The following ADAMTS12 variants were observed in gnomAD, a reference collection of about 807,000 sequenced individuals.
The protein encoded by ADAMTS12 is A disintegrin and metalloproteinase with thrombospondin motifs 12.
Under a neutral mutation model 167.8 loss-of-function variants are expected in ADAMTS12, and 118 were observed. The observed-to-expected ratio is 0.70, with a 90% CI of 0.61 to 0.82. ADAMTS12 has a LOEUF of 0.82. ADAMTS12 is among the 40% of genes least tolerant of loss of function. The probability of loss-of-function intolerance (pLI) is 0.00; values close to 1 mark genes in which losing one functional copy is unlikely to be tolerated. For missense variants in ADAMTS12, 1,916 were observed against 1,998.8 expected (o/e 0.96, Z 0.79); for synonymous variants, 704 against 716.9 (o/e 0.98, Z 0.29).
chr5:33,639,450 G>A (rs987631513), intron 11 of ADAMTS12, among the ~76,000 whole-genome samples: 34 of 152,214 alleles, frequency 2.2e-4, no homozygotes. Context: ...GAAAGCCATG[G>A]AAATGAGGCT....
intron 19 of ADAMTS12, among the ~76,000 whole-genome samples, chr5:33,575,530 C>T (rs1746648971): frequency 6.6e-6 from 1 of 152,210 alleles, no homozygotes; most frequent in Non-Finnish European, 1.5e-5. Flanking sequence ...TATCTCACTA[C>T]ATTTGTTCTC....
intron 2 of ADAMTS12, among the ~76,000 whole-genome samples, chr5:33,791,590 T>C (rs1033940582): frequency 6.6e-6 from 1 of 152,126 alleles, no homozygotes; most frequent in African/African-American, 2.4e-5. Context: ...CAGTGACCTA[T>C]ATAATAGGCA....
chr5:33,710,546 G>T (rs4866341), intron 3 of ADAMTS12, among the ~76,000 whole-genome samples: 93,750 of 152,182 alleles, frequency 0.62, 30,050 homozygotes, highest in Non-Finnish European at 0.69. Flanking sequence ...TACTAGAAAT[G>T]GAGAAGATAT....
chr5:33,860,920 T>C (rs1749585061), intron 2 of ADAMTS12, among the ~76,000 whole-genome samples: 1 of 152,194 alleles, frequency 6.6e-6, no homozygotes, highest in Admixed American at 6.5e-5. Flanking sequence ...GAATTTCATA[T>C]TCAGCCAAAC....
intron 13 of ADAMTS12, among the ~76,000 whole-genome samples, chr5:33,627,935 A>G (rs545137891): frequency 7.2e-6 from 1 of 138,778 alleles, no homozygotes; most frequent in African/African-American, 3.0e-5. Context: ...GATTGAAGAC[A>G]TTGACTTTGT....
intron 2 of ADAMTS12, among the ~76,000 whole-genome samples, chr5:33,813,970 T>C (rs1747555291): frequency 6.6e-6 from 1 of 152,244 alleles, no homozygotes; most frequent in Admixed American, 6.5e-5. Flanking sequence ...AATAGCTTTC[T>C]GTCTTTTCTT....
chr5:33,772,208 C>A (rs532129468), intron 2 of ADAMTS12, among the ~76,000 whole-genome samples: 3 of 152,230 alleles, frequency 2.0e-5, no homozygotes, highest in Admixed American at 2.0e-4. Flanking sequence ...TCTAGACTCT[C>A]AACAGCAGTT....
chr5:33,758,204 A>T (rs1314278081), intron 2 of ADAMTS12, among the ~76,000 whole-genome samples: 1 of 152,212 alleles, frequency 6.6e-6, no homozygotes. Context: ...ATGATAGTCT[A>T]AGGGATGCCT....
intron 3 of ADAMTS12, among the ~76,000 whole-genome samples, chr5:33,694,437 G>A (rs970813439): frequency 6.6e-6 from 1 of 152,132 alleles, no homozygotes; most frequent in Non-Finnish European, 1.5e-5. Flanking sequence ...AGACAGAAAA[G>A]TAGACCTAGG....
chr5:33,835,951 CTCTGTG>C (rs756945331), intron 2 of ADAMTS12, among the ~76,000 whole-genome samples: 1,642 of 37,258 alleles, frequency 0.044, 9 homozygotes, highest in South Asian at 0.067. Context: ...CTCTCTCTCT[CTCTGTG>C]TGTGTGTGTG....
chr5:33,724,772 C>G (rs956497980), intron 3 of ADAMTS12, among the ~76,000 whole-genome samples: 1 of 151,890 alleles, frequency 6.6e-6, no homozygotes, highest in Non-Finnish European at 1.5e-5. Context: ...AAGAAGGTAT[C>G]GATCTCCTGA....
chr5:33,717,348 G>A (rs1743652306), intron 3 of ADAMTS12, among the ~76,000 whole-genome samples: 1 of 152,170 alleles, frequency 6.6e-6, no homozygotes, highest in South Asian at 2.1e-4. Context: ...CAATGGAATA[G>A]TTAAGTGAAA....
intron 2 of ADAMTS12, among the ~76,000 whole-genome samples, chr5:33,776,204 A>G (rs922223282): frequency 3.9e-5 from 6 of 152,202 alleles, no homozygotes; most frequent in African/African-American, 9.6e-5. Context: ...AAATTGAACA[A>G]CATTTTAGAC....
chr5:33,572,993 T>G (rs1175022656), intron 19 of ADAMTS12, among the ~76,000 whole-genome samples: 1 of 151,134 alleles, frequency 6.6e-6, no homozygotes, highest in East Asian at 1.9e-4. Context: ...TGAACTCCCA[T>G]TCACAATTGC....
chr5:33,787,151 C>A (rs1554042541), intron 2 of ADAMTS12, among the ~76,000 whole-genome samples: 1 of 151,916 alleles, frequency 6.6e-6, no homozygotes, highest in Non-Finnish European at 1.5e-5. Context: ...GGAGTTTTTC[C>A]ATTCTTGGAA....
At chr5:33,658,831 A>G (rs773181420) in intron 6 of ADAMTS12, among the ~76,000 whole-genome samples, 2 of 152,234 alleles carry the variant, frequency 1.3e-5, no homozygotes, top group African/African-American at 2.4e-5. Context: ...ATACTTGTCT[A>G]TCCAGCCCCA....
chr5:33,749,387 C>T (rs1258210462), intron 3 of ADAMTS12, among the ~76,000 whole-genome samples: 1 of 152,112 alleles, frequency 6.6e-6, no homozygotes, highest in African/African-American at 2.4e-5. Flanking sequence ...AATTCTTTCC[C>T]TTCTCTGAGA....
In ADAMTS12 at chr5:33,731,072, T is replaced by A. The variant is rs151140601; in HGVS notation, c.634+20332A>T. Reference sequence around the variant, plus strand: ...GTTATTGGGAGAATTAAATAAGGGATGTTTGTAGAGGATTTAGCTCAATGT... The same window carrying A: ...GTTATTGGGAGAATTAAATAAGGGAAGTTTGTAGAGGATTTAGCTCAATGT... On this transcript the variant is annotated intron_variant, in intron 3 of 23. Coordinates refer to ENST00000504830, the MANE Select transcript of ADAMTS12 (RefSeq NM_030955.4). 7.3e-4 allele frequency among the ~76,000 whole-genome samples: 111 copies of A among 152,298 alleles called. 1 individual carries two copies. Among genetic ancestry groups the A allele is most frequent in the African/African-American group, 2.6e-3 (110 of 41,560 alleles).
At chr5:33,745,616 C>T (rs1201917022) in intron 3 of ADAMTS12, among the ~76,000 whole-genome samples, 1 of 151,962 alleles carries the variant, frequency 6.6e-6, no homozygotes, top group African/African-American at 2.4e-5. Context: ...CCTGGAGAGC[C>T]GTCTCCTTAT....
Sources: allele counts gnomAD v4.1 joint callset (sites outside exome capture counted in the v4.1 genomes callset), GRCh38; gene constraint gnomAD v4.1.1; transcripts MANE v1.5; gene names NCBI Gene and HGNC (gene_info 2026-07-23, HGNC 2026-07-21).